Variants in LCOR observed in about 807,000 individuals in gnomAD.
The protein encoded by LCOR is ligand dependent nuclear receptor corepressor.
Under a neutral mutation model 64.4 loss-of-function variants are expected in LCOR, and 14 were observed. The observed-to-expected ratio is 0.22, with a 90% CI of 0.14 to 0.34. The LOEUF (loss-of-function observed/expected upper bound fraction) is 0.34, where lower values mean the gene tolerates loss of function less well. Ranked by LOEUF, LCOR falls within the 10% of genes least tolerant of loss-of-function variation. The probability of loss-of-function intolerance (pLI) is 1.00; values close to 1 mark genes in which losing one functional copy is unlikely to be tolerated. For synonymous variants in LCOR, 643 were observed against 642.5 expected (o/e 1.00, Z -0.01); for missense variants, 1,686 against 1,765.3 (o/e 0.96, Z 0.80).
Position 96,984,888 on chromosome 10 carries a change from G to C in LCOR, c.4428G>C (p.Glu1476Asp). 1.9e-6 allele frequency: 3 copies of C among 1,613,826 alleles called. No individual in the cohort carries two copies. The highest frequency in any genetic ancestry group is 2.5e-6 in the Non-Finnish European group (3 of 1,179,988). The change falls in exon 8 of 8, where the codon GAG becomes GAC. Residue 1476 changes from glutamate (E) to aspartate (D), a missense_variant. Around this residue, in one of 3 missense-constraint regions of LCOR, gnomAD observed 1,293 missense variants for 1,410.4 expected, o/e 0.92. Coordinates refer to ENST00000421806, the MANE Select transcript of LCOR (RefSeq NM_001346516.2). ...GCCCTCCCTCCAGGAAAGAAAAAGA[G>C]AATACAAACAAAAGGCCTTCCCAGT... ...KSCPPSRKEK[E>D]NTNKRPSQSI...
intron 4 of LCOR, among the ~76,000 whole-genome samples, chr10:96,914,703 T>C (rs1349921978): frequency 3.9e-5 from 6 of 152,212 alleles, no homozygotes; most frequent in African/African-American, 1.4e-4. Context: ...CCGAATGAAG[T>C]CTTTATCTAA....
chr10:96,941,197 C>A (rs1847461390), intron 4 of LCOR, among the ~76,000 whole-genome samples: 2 of 138,362 alleles, frequency 1.4e-5, no homozygotes, highest in Non-Finnish European at 1.6e-5. Context: ...GGCTGACCCC[C>A]CCACCTCCCT....
intron 4 of LCOR, among the ~76,000 whole-genome samples, chr10:96,914,147 C>G (rs989112862): frequency 6.6e-6 from 1 of 152,120 alleles, no homozygotes; most frequent in African/African-American, 2.4e-5. Flanking sequence ...TCTTCCAATT[C>G]GTGAATATGC....
Position 96,944,103 on chromosome 10 carries a change from A to T in LCOR, c.-183-10A>T. 1 of 985,658 alleles carries T rather than the reference A, an allele frequency of 1.0e-6. No homozygotes were observed. The highest frequency in any genetic ancestry group is 4.7e-5 in the South Asian group (1 of 21,290). The allele number at this position is 985,658 out of a possible 1,614,324, so 61.1% of individuals were successfully genotyped here. A position where few individuals can be genotyped will look rare whatever the true frequency, so the allele number is the denominator to read the frequency against. On this transcript the variant is annotated splice_polypyrimidine_tract_variant and intron_variant, in intron 4 of 7. Transcript: ENST00000421806. ...CGTGTGTGCAACTATTTCACCAAGT[A>T]TTTTTGCAGGGACACTTAGTCGGTC...
At chr10:96,866,022 T>C (rs572336646) in intron 2 of LCOR, among the ~76,000 whole-genome samples, 2 of 152,182 alleles carry the variant, frequency 1.3e-5, no homozygotes, top group Non-Finnish European at 2.9e-5. Context: ...GGAGTTCATA[T>C]AAAAGGAACT....
Position 96,988,983 on chromosome 10 carries a change from G to C in LCOR, c.*3849G>C, listed in dbSNP as rs940276733. 1 of 152,206 alleles carries C rather than the reference G, an allele frequency of 6.6e-6. No homozygotes were observed. Among genetic ancestry groups the C allele is most frequent in the African/African-American group, 2.4e-5 (1 of 41,448 alleles). 9.4% of individuals were successfully genotyped at this position (152,206 alleles called of 1,614,324 possible). ...TCTGGACCTTCAGAAAACATCTGCT[G>C]ATCCCTGCTTGAGAAAGTCATCCTT... is the stretch of plus-strand genomic sequence containing the variant. On this transcript the variant is annotated 3_prime_UTR_variant, in exon 8 of 8. Transcript: ENST00000421806.
chr10:96,956,412 G>A (rs761536508), intron 7 of LCOR: 25 of 985,136 alleles, frequency 2.5e-5, no homozygotes, highest in Non-Finnish European at 2.9e-5. Context: ...TCAACTAATC[G>A]AAGGATTAAA....
intron 4 of LCOR, among the ~76,000 whole-genome samples, chr10:96,912,637 T>C (rs571355537): frequency 1.3e-5 from 2 of 151,826 alleles, no homozygotes; most frequent in East Asian, 3.9e-4. Context: ...CCTTCCTTCC[T>C]TCCTTCCTTT....
At chr10:96,909,484 C>T (rs1846791308) in intron 4 of LCOR, among the ~76,000 whole-genome samples, 2 of 152,144 alleles carry the variant, frequency 1.3e-5, no homozygotes, top group South Asian at 4.1e-4. Flanking sequence ...AATATTCTGC[C>T]TTATTTTGTT....
chr10:96,890,547 T>C (rs1165510483), intron 2 of LCOR, among the ~76,000 whole-genome samples: 1 of 152,220 alleles, frequency 6.6e-6, no homozygotes, highest in Non-Finnish European at 1.5e-5. Context: ...TGGATGCCTT[T>C]TATTTCTTTT....
At chr10:96,916,962 T>G (rs541718090) in intron 4 of LCOR, among the ~76,000 whole-genome samples, 145 of 152,214 alleles carry the variant, frequency 9.5e-4, no homozygotes, top group Non-Finnish European at 1.7e-3. Flanking sequence ...TATCACAAAT[T>G]AATACGTGTT....
At chr10:96,907,980 T>A (rs994307499) in intron 4 of LCOR, 2 of 152,330 alleles carry the variant, frequency 1.3e-5, no homozygotes, top group African/African-American at 4.8e-5. Flanking sequence ...GTTGTTATTT[T>A]GTTTTTTTGC....
At chr10:96,839,894 G>T (rs1845510055) in intron 2 of LCOR, among the ~76,000 whole-genome samples, 1 of 152,130 alleles carries the variant, frequency 6.6e-6, no homozygotes, top group African/African-American at 2.4e-5. Flanking sequence ...CACCCTTTTG[G>T]CCAGGCTGGT....
At position 96,983,333 on chromosome 10, in the gene LCOR, A is replaced by G; in HGVS notation, c.2873A>G (p.Asn958Ser). The change falls in exon 8 of 8, where the codon AAT becomes AGT. Residue 958 changes from asparagine to serine, a missense_variant. Coordinates refer to ENST00000421806, the MANE Select transcript of LCOR (RefSeq NM_001346516.2). The surrounding 1 kb of genome is among the most constrained non-coding windows in gnomAD (Gnocchi z 4.5). ...IYVQSKMDEK[N>S]AHIPSESIAC... ...GTTCAGTCTAAAATGGATGAGAAGA[A>G]TGCTCATATCCCCTCAGAAAGTATT... 6.2e-7 allele frequency: 1 copy of G among 1,614,224 alleles called. No individual in the cohort carries two copies. Among genetic ancestry groups the G allele is most frequent in the Middle Eastern group, 1.6e-4 (1 of 6,062 alleles).
At chr10:96,947,889 A>G (rs898925307) in intron 5 of LCOR, among the ~76,000 whole-genome samples, 4 of 152,092 alleles carry the variant, frequency 2.6e-5, no homozygotes, top group South Asian at 2.1e-4. Context: ...TAAAAGGACT[A>G]TTTCATGGTG....
At chr10:96,833,896 A>G (rs889166826) in intron 2 of LCOR, among the ~76,000 whole-genome samples, 25 of 149,922 alleles carry the variant, frequency 1.7e-4, no homozygotes, top group African/African-American at 2.2e-4. Context: ...TTTAATAGAC[A>G]TATCTGTTGG....
chr10:96,941,078 C>T (rs1169802971), intron 4 of LCOR, among the ~76,000 whole-genome samples: 1 of 130,642 alleles, frequency 7.7e-6, no homozygotes, highest in Non-Finnish European at 1.6e-5. Context: ...CCCCCGCCTC[C>T]CTCCCGGACG....
rs1190922570 is a variant in LCOR, at chr10:96,985,237, A to G, written c.*103A>G. 7.3e-7 allele frequency: 1 copy of G among 1,372,716 alleles called. No homozygotes were observed. The highest frequency in any genetic ancestry group is 2.5e-5 in the East Asian group (1 of 39,864). 85.0% of individuals were successfully genotyped at this position (1,372,716 alleles called of 1,614,324 possible). A position where few individuals can be genotyped will look rare whatever the true frequency, so the allele number is the denominator to read the frequency against. ...TAAGCTTATCAAGCCTTTCAAATTT[A>G]CAGTTAATGGAGAACACCGTAATTT... On this transcript the variant is annotated 3_prime_UTR_variant, in exon 8 of 8. Transcript: ENST00000421806.
At chr10:96,887,976 T>C (rs909581786) in intron 2 of LCOR, among the ~76,000 whole-genome samples, 3 of 150,900 alleles carry the variant, frequency 2.0e-5, no homozygotes, top group Non-Finnish European at 3.0e-5. Flanking sequence ...CCACCACACC[T>C]GGCCTACTTT....
Sources: gnomAD v4.1 joint callset for allele counts (sites outside exome capture counted in the v4.1 genomes callset) on GRCh38, gnomAD v4.1.1 for gene constraint, gnomAD v4.1.1 regional missense constraint, Gnocchi (gnomAD v3.1) non-coding constraint, MANE v1.5 for transcripts, NCBI Gene and HGNC (gene_info 2026-07-23, HGNC 2026-07-21) for gene names.